FLT3: variants seen among roughly 807,000 people sequenced by gnomAD.
The protein encoded by FLT3 is fms related receptor tyrosine kinase 3, also known as receptor-type tyrosine-protein kinase FLT3.
FLT3 carries 46 observed loss-of-function variants against 126.6 expected under a neutral mutation model. The ratio of observed to expected loss-of-function variants is 0.36; its 90% CI spans 0.29 to 0.46. The LOEUF (loss-of-function observed/expected upper bound fraction) is 0.46, where lower values mean the gene tolerates loss of function less well. Among genes scored for constraint, FLT3 ranks in the 20% least tolerant of loss-of-function variants. FLT3 has a pLI of 1.00. For missense variants in FLT3, 1,069 were observed against 1,190.3 expected (o/e 0.90, Z 1.50); for synonymous variants, 404 against 434.4 (o/e 0.93, Z 0.87).
At chr13:28,067,117 G>A (rs554003829) in intron 2 of FLT3, among the ~76,000 whole-genome samples, 1 of 152,178 alleles carries the variant, frequency 6.6e-6, no homozygotes, top group Admixed American at 6.6e-5. Context: ...CCGCCTCTGG[G>A]GTTCAAGCGA....
At chr13:28,043,758 A>G (rs546092487) in intron 9 of FLT3, among the ~76,000 whole-genome samples, 15 of 152,254 alleles carry the variant, frequency 9.9e-5, no homozygotes, top group African/African-American at 3.6e-4. Flanking sequence ...AGGCGGGAGG[A>G]TCACTTGAGC....
intron 1 of FLT3, among the ~76,000 whole-genome samples, chr13:28,080,249 T>G (rs9507993): frequency 0.88 from 134,245 of 152,284 alleles, 61,638 homozygotes; most frequent in Non-Finnish European, 1. Flanking sequence ...CATGGCGCAT[T>G]CCTGTAATCC....
chr13:28,077,549 T>C (rs946583067), intron 1 of FLT3, among the ~76,000 whole-genome samples: 1 of 152,198 alleles, frequency 6.6e-6, no homozygotes, highest in Non-Finnish European at 1.5e-5. Flanking sequence ...CCCTGGGTCC[T>C]TCCCACAACA....
intron 9 of FLT3, among the ~76,000 whole-genome samples, chr13:28,040,706 T>C (rs1000971531): frequency 6.6e-6 from 1 of 152,168 alleles, no homozygotes; most frequent in African/African-American, 2.4e-5. Flanking sequence ...CAGTTAAAAG[T>C]TGACCTTTGG....
chr13:28,038,292 G>A lies in FLT3; in HGVS notation c.1206-1004C>T, dbSNP rs149584221. ...TGGATACTGCAGTGAGATGTTGGATGGTGCAGGAGAGGCAGGGCAGCAATG... is the reference window on the plus strand; with the variant it reads ...TGGATACTGCAGTGAGATGTTGGATAGTGCAGGAGAGGCAGGGCAGCAATG... On this transcript the variant is annotated intron_variant, in intron 9 of 23. Coordinates refer to ENST00000241453, the MANE Select transcript of FLT3 (RefSeq NM_004119.3). Among the ~76,000 whole-genome samples the A allele has an allele frequency of 6.6e-4, 101 of 152,206 alleles. 2 individuals are homozygous for A. Among genetic ancestry groups the A allele is most frequent in the Middle Eastern group, 3.4e-3 (1 of 294 alleles).
chr13:28,091,443 G>T (rs1354202114), intron 1 of FLT3, among the ~76,000 whole-genome samples: 1 of 149,970 alleles, frequency 6.7e-6, no homozygotes, highest in Non-Finnish European at 1.5e-5. Context: ...GGATGGTCTC[G>T]ATCTCCTGAC....
At chr13:28,056,852 G>A (rs1249878068) in intron 4 of FLT3, among the ~76,000 whole-genome samples, 2 of 152,218 alleles carry the variant, frequency 1.3e-5, no homozygotes, top group African/African-American at 2.4e-5. Flanking sequence ...AGTGGCTACT[G>A]TATTGGAAAG....
At position 28,060,421 on chromosome 13, in the gene FLT3, CAAAAAAAAA is replaced by C. The variant is rs11326702; in HGVS notation, c.368+1437_368+1445del. Among the ~76,000 whole-genome samples, 6 of 95,322 alleles carry C rather than the reference CAAAAAAAAA, an allele frequency of 6.3e-5. No homozygotes were observed. In the East Asian group the frequency reaches 1.8e-3, roughly 28 times the overall value. 62.5% of individuals were successfully genotyped at this position (95,322 alleles called of 152,430 possible). Reference sequence around the variant, plus strand: ...TGGGAGACAGAGCAAAACTCTGCCTCAAAAAAAAAAAAAAATTCTTAATTGTAAATAAGG... The same window carrying C: ...TGGGAGACAGAGCAAAACTCTGCCTCAAAAAATTCTTAATTGTAAATAAGG... On this transcript the variant is annotated intron_variant, in intron 3 of 23. Transcript: ENST00000241453.
intron 9 of FLT3, among the ~76,000 whole-genome samples, chr13:28,042,469 T>G (rs1012603619): frequency 6.7e-6 from 1 of 148,624 alleles, no homozygotes; most frequent in African/African-American, 2.5e-5. Context: ...ATGTTATCTC[T>G]GGAGGTGGAA....
chr13:28,098,314 CAA>C (rs55675449), intron 1 of FLT3, among the ~76,000 whole-genome samples: 16,594 of 84,596 alleles, frequency 0.2, 589 homozygotes, highest in Middle Eastern at 0.27. Flanking sequence ...GACTCCGTCT[CAA>C]AAAAAAAAAA....
chr13:28,036,084 A>C (rs1873816897), intron 10 of FLT3, 41 bp from the exon 11 acceptor site: 1 of 1,526,830 alleles, frequency 6.5e-7, no homozygotes, highest in Non-Finnish European at 9.1e-7. Flanking sequence ...CTGGCTGGGC[A>C]TAGTGGTTCA....
At chr13:28,020,800 G>A (rs1451736653) in intron 19 of FLT3, among the ~76,000 whole-genome samples, 4 of 152,070 alleles carry the variant, frequency 2.6e-5, no homozygotes, top group African/African-American at 9.7e-5. Flanking sequence ...AATGTTTGAT[G>A]AAGTCAAGGG....
chr13:28,042,220 AAAAGT>A (rs1464304373), intron 9 of FLT3, among the ~76,000 whole-genome samples: 2 of 149,994 alleles, frequency 1.3e-5, no homozygotes, highest in Non-Finnish European at 3.0e-5. Flanking sequence ...AGAAAGAAAA[AAAAGT>A]AAAGTTGATG....
At chr13:28,052,031 TTG>T (rs1246009035) in intron 5 of FLT3, among the ~76,000 whole-genome samples, 1 of 151,888 alleles carries the variant, frequency 6.6e-6, no homozygotes, top group Admixed American at 6.6e-5. Flanking sequence ...AAAAAAATCC[TTG>T]TCCTCCCTGT....
intron 20 of FLT3, 57 bp downstream of exon 20, chr13:28,018,407 CATG>C: frequency 1.3e-6 from 2 of 1,591,202 alleles, no homozygotes; most frequent in Admixed American, 1.7e-5. Flanking sequence ...AGTTGTTTAC[CATG>C]ATAACGACAC....
chr13:28,055,573 T>G (rs966058518), intron 4 of FLT3, among the ~76,000 whole-genome samples: 1 of 152,234 alleles, frequency 6.6e-6, no homozygotes, highest in African/African-American at 2.4e-5. Context: ...TTTCCTCTTT[T>G]TCACACTGAC....
intron 23 of FLT3, among the ~76,000 whole-genome samples, chr13:28,004,585 G>C (rs572490922): frequency 1.4e-4 from 22 of 152,226 alleles, no homozygotes; most frequent in African/African-American, 3.9e-4. Flanking sequence ...TGCGATTACA[G>C]GTGTGAGCCA....
At position 28,092,935 on chromosome 13, in the gene FLT3, T is replaced by TTTTC. The variant is rs1879213880; in HGVS notation, c.43+7532_43+7533insGAAA. ...GACTACTTTTTTTTTTTTTTTTTTTTTTTTGAGACAGGGTCTCGCTCTGTC... is the reference window on the plus strand; with the variant it reads ...GACTACTTTTTTTTTTTTTTTTTTTTTTTCTTTTGAGACAGGGTCTCGCTCTGTC... On this transcript the variant is annotated intron_variant, in intron 1 of 23. Coordinates refer to ENST00000241453, the MANE Select transcript of FLT3 (RefSeq NM_004119.3). Among the ~76,000 whole-genome samples the TTTTC allele has an allele frequency of 2.7e-5, 4 of 147,034 alleles. No homozygotes were observed. In the Admixed American group the frequency reaches 2.7e-4, roughly 10 times the overall value.
intron 1 of FLT3, among the ~76,000 whole-genome samples, chr13:28,096,839 A>G (rs1879485753): frequency 6.6e-6 from 1 of 152,194 alleles, no homozygotes; most frequent in African/African-American, 2.4e-5. Context: ...GGCAATGACC[A>G]CACATTTCTT....
Sources: gnomAD v4.1 joint callset for allele counts (sites outside exome capture counted in the v4.1 genomes callset) on GRCh38, gnomAD v4.1.1 for gene constraint, MANE v1.5 for transcripts, NCBI Gene and HGNC (gene_info 2026-07-23, HGNC 2026-07-21) for gene names.